The following PHF13 variants were observed in gnomAD, a reference collection of about 807,000 sequenced individuals.
PHF13 encodes PHD zinc finger protein PHF5.
Under a neutral mutation model 25.8 loss-of-function variants are expected in PHF13, and 1 was observed. That is an observed-to-expected ratio of 0.04 (90% CI 0.01 to 0.18). The LOEUF (loss-of-function observed/expected upper bound fraction) is 0.18, where lower values mean the gene tolerates loss of function less well. Among genes scored for constraint, PHF13 ranks in the 10% least tolerant of loss-of-function variants. PHF13 has a pLI of 1.00. For missense variants in PHF13, 306 were observed against 403.2 expected (o/e 0.76, Z 2.06); for synonymous variants, 195 against 162.4 (o/e 1.20, Z -1.53).
chr1:6,616,742 C>G lies in PHF13; in HGVS notation c.40-15C>G, dbSNP rs756237947. The G allele has an allele frequency of 2.5e-6, 4 of 1,606,004 alleles. No individual in the cohort carries two copies. Among genetic ancestry groups the G allele is most frequent in the South Asian group, 2.2e-5 (2 of 90,926 alleles). ...CTCTCCTTCAAACACATTCCCTTTTCTCTCCCCTTAATAGGAATACTCCCC... is the reference window on the plus strand; with the variant it reads ...CTCTCCTTCAAACACATTCCCTTTTGTCTCCCCTTAATAGGAATACTCCCC... On this transcript the variant is annotated splice_polypyrimidine_tract_variant and intron_variant, in intron 1 of 3. Coordinates refer to ENST00000377648, the MANE Select transcript of PHF13 (RefSeq NM_153812.3).
At chr1:6,616,715 GC>G in intron 1 of PHF13, 41 bp from the exon 2 acceptor site, 2 of 1,529,516 alleles carry the variant, frequency 1.3e-6, no homozygotes, top group Non-Finnish European at 1.8e-6. Context: ...CCGCCTGGAA[GC>G]CTCTCCTTCA....
intron 2 of PHF13, 29 bp from the exon 3 acceptor site, chr1:6,619,774 A>C: frequency 1.3e-6 from 2 of 1,562,252 alleles, no homozygotes; most frequent in South Asian, 1.2e-5. Flanking sequence ...GTCACCAGTA[A>C]CTGGAATCTG....
rs192624878 is a variant in PHF13, at chr1:6,622,172, G to A, written c.*535G>A. 471 of 169,602 alleles carry A rather than the reference G, an allele frequency of 2.8e-3. 2 individuals carry two copies. Among genetic ancestry groups the A allele is most frequent in the African/African-American group, 0.011 (446 of 42,144 alleles). 10.5% of individuals were successfully genotyped at this position (169,602 alleles called of 1,614,324 possible). ...TGCCTCAGCTGCTGCCTGACCGGCT[G>A]GGGGAGGCACTGGCGGGAGGCCTCG... On this transcript the variant is annotated 3_prime_UTR_variant, in exon 4 of 4. Coordinates refer to ENST00000377648, the MANE Select transcript of PHF13 (RefSeq NM_153812.3).
chr1:6,614,137 G>A, intron 1 of PHF13, 32 bp downstream of exon 1: 1 of 1,499,180 alleles, frequency 6.7e-7, no homozygotes, highest in Non-Finnish European at 8.9e-7. Context: ...AATCGCCCCC[G>A]ACCACCCCCT....
intron 1 of PHF13, among the ~76,000 whole-genome samples, chr1:6,616,314 ACCGCGCCC>A (rs1278312192): frequency 6.6e-6 from 1 of 152,134 alleles, no homozygotes; most frequent in African/African-American, 2.4e-5. Context: ...GACGAGAGCC[ACCGCGCCC>A]GGCGAGTGGT....
chr1:6,614,000 C>G lies in PHF13; in HGVS notation c.-67C>G. The G allele has an allele frequency of 7.6e-7, 1 of 1,312,862 alleles. No homozygotes were observed. Among genetic ancestry groups the G allele is most frequent in the African/African-American group, 1.5e-5 (1 of 65,200 alleles). The allele number at this position is 1,312,862 out of a possible 1,614,324, so 81.3% of individuals were successfully genotyped here. A position where few individuals can be genotyped will look rare whatever the true frequency, so the allele number is the denominator to read the frequency against. On this transcript the variant is annotated 5_prime_UTR_variant, in exon 1 of 4. Coordinates refer to ENST00000377648, the MANE Select transcript of PHF13 (RefSeq NM_153812.3). ...GCGCAGCCGCCCGAGCCCCCAGCCC[C>G]GGGCGGCCCCGCTCCAGCATCCCAG...
intron 2 of PHF13, among the ~76,000 whole-genome samples, chr1:6,618,621 G>A (rs543250717): frequency 1.3e-5 from 2 of 152,198 alleles, no homozygotes; most frequent in Admixed American, 6.6e-5. Context: ...CTACATAGGT[G>A]GCTAATGCCT....
At chr1:6,614,937 C>T (rs1399904902) in intron 1 of PHF13, among the ~76,000 whole-genome samples, 1 of 150,814 alleles carries the variant, frequency 6.6e-6, no homozygotes, top group Non-Finnish European at 1.5e-5. Context: ...CGGAGCCCGC[C>T]GGTCTCGCTG....
chr1:6,613,808 G>A lies in PHF13; in HGVS notation c.-259G>A. The A allele has an allele frequency of 5.1e-6, 1 of 195,900 alleles. No individual in the cohort carries two copies. The highest frequency in any genetic ancestry group is 1.0e-5 in the Non-Finnish European group (1 of 97,864). The allele number at this position is 195,900 out of a possible 1,614,324, so 12.1% of individuals were successfully genotyped here. ...CGGGTTCCCGCTCACCGCCGCCGCC[G>A]CCGCCCCCTGCAGCCACTCTCCCGC... On this transcript the variant is annotated 5_prime_UTR_variant, in exon 1 of 4. Coordinates refer to ENST00000377648, the MANE Select transcript of PHF13 (RefSeq NM_153812.3).
At position 6,616,868 on chromosome 1, in the gene PHF13, T is replaced by C. The variant is rs200435; in HGVS notation, c.141+10T>C. On this transcript the variant is annotated intron_variant, in intron 2 of 3. Transcript: ENST00000377648. ...CCCTTATCCGAAGGAGGTAATCTTC[T>C]GAGTTTCTGAGACCTTTCTTGATGA... 1,096 of 1,608,962 alleles carry C rather than the reference T, an allele frequency of 6.8e-4. 8 individuals are homozygous for C. In the African/African-American group the frequency reaches 0.011, roughly 16 times the overall value.
At chr1:6,617,502 A>G (rs372121842) in intron 2 of PHF13, among the ~76,000 whole-genome samples, 11 of 152,062 alleles carry the variant, frequency 7.2e-5, no homozygotes, top group South Asian at 2.1e-4. Flanking sequence ...CCGTGGTGCA[A>G]TTGTGGCTCA....
rs1570220460 is a variant in PHF13, at chr1:6,614,201, C to G, written c.39+96C>G. On this transcript the variant is annotated intron_variant, in intron 1 of 3. Coordinates refer to ENST00000377648, the MANE Select transcript of PHF13 (RefSeq NM_153812.3). ...GACCCCCGGTCGCCCGGAGCGCCGC[C>G]CTCCCCTTCCCCCGCTTTCCCCTCG... 2.8e-6 allele frequency: 3 copies of G among 1,077,490 alleles called. No individual in the cohort carries two copies. The East Asian group carries it at 8.2e-5, about 29-fold the overall frequency. 66.7% of individuals were successfully genotyped at this position (1,077,490 alleles called of 1,614,324 possible).
chr1:6,616,707 G>T (rs1274173923), intron 1 of PHF13, 50 bp from the exon 2 acceptor site: 2 of 1,492,428 alleles, frequency 1.3e-6, no homozygotes, highest in Non-Finnish European at 1.9e-6. Context: ...CTGTGATTCC[G>T]CCTGGAAGCC....
intron 2 of PHF13, among the ~76,000 whole-genome samples, chr1:6,617,496 G>A (rs1453230336): frequency 6.6e-6 from 1 of 152,170 alleles, no homozygotes; most frequent in Non-Finnish European, 1.5e-5. Flanking sequence ...GGAGTGCCGT[G>A]GTGCAATTGT....
At chr1:6,615,855 T>C (rs990312648) in intron 1 of PHF13, among the ~76,000 whole-genome samples, 11 of 151,896 alleles carry the variant, frequency 7.2e-5, no homozygotes, top group Non-Finnish European at 1.5e-4. Flanking sequence ...AGGTTCTTGG[T>C]TTATTGTGAG....
At chr1:6,618,931 GC>G (rs1400089574) in intron 2 of PHF13, among the ~76,000 whole-genome samples, 1 of 152,082 alleles carries the variant, frequency 6.6e-6, no homozygotes, top group Non-Finnish European at 1.5e-5. Context: ...ACAGGTGTGA[GC>G]CCCCGCACCC....
chr1:6,614,165 TCAGG>T (rs1641215861), intron 1 of PHF13, 60 bp downstream of exon 1: 2 of 1,500,476 alleles, frequency 1.3e-6, no homozygotes, highest in East Asian at 5.3e-5. Context: ...CCTGCCGTCC[TCAGG>T]CAGCCAGACC....
chr1:6,620,469 G>A lies in PHF13; in HGVS notation c.676+132G>A, dbSNP rs919554035. 28 of 1,052,970 alleles carry A rather than the reference G, an allele frequency of 2.7e-5. No homozygotes were observed. In the African/African-American group the frequency reaches 4.0e-4, roughly 15 times the overall value. 65.2% of individuals were successfully genotyped at this position (1,052,970 alleles called of 1,614,324 possible). A position where few individuals can be genotyped will look rare whatever the true frequency, so the allele number is the denominator to read the frequency against. On this transcript the variant is annotated intron_variant, in intron 3 of 3. Transcript: ENST00000377648. ...AGAGTGTGACAGCCCCACTGTCCAAGGAGGAGAAAAGCTGCAGGAATGTGG... is the reference window on the plus strand; with the variant it reads ...AGAGTGTGACAGCCCCACTGTCCAAAGAGGAGAAAAGCTGCAGGAATGTGG...
chr1:6,614,952 C>T (rs1329207674), intron 1 of PHF13, among the ~76,000 whole-genome samples: 2 of 151,410 alleles, frequency 1.3e-5, no homozygotes, highest in Non-Finnish European at 3.0e-5. Context: ...TCGCTGCCGC[C>T]CCCGGGGGTT....
Sources: gnomAD v4.1 joint callset for allele counts (sites outside exome capture counted in the v4.1 genomes callset) on GRCh38, gnomAD v4.1.1 for gene constraint, MANE v1.5 for transcripts, NCBI Gene and HGNC (gene_info 2026-07-23, HGNC 2026-07-21) for gene names.